GRIK2: variants seen among roughly 807,000 people sequenced by gnomAD.
GRIK2 encodes glutamate ionotropic receptor kainate type subunit 2, also known as glutamate receptor ionotropic, kainate 2.
Under a neutral mutation model 100.3 loss-of-function variants are expected in GRIK2, and 32 were observed. The observed-to-expected ratio is 0.32, with a 90% CI of 0.24 to 0.43. The LOEUF (loss-of-function observed/expected upper bound fraction) is 0.43. Among genes scored for constraint, GRIK2 ranks in the 20% least tolerant of loss-of-function variants. The pLI is 1.00. For missense variants in GRIK2, 843 were observed against 1,114.9 expected (o/e 0.76, Z 3.47); for synonymous variants, 417 against 389.4 (o/e 1.07, Z -0.83).
At chr6:101,780,537 C>A (rs1334215051) in intron 7 of GRIK2, among the ~76,000 whole-genome samples, 1 of 152,092 alleles carries the variant, frequency 6.6e-6, no homozygotes, top group Non-Finnish European at 1.5e-5. Flanking sequence ...CAGCACAGTT[C>A]TGTGGCACAG....
chr6:101,619,800 G>A (rs967596304), intron 2 of GRIK2, among the ~76,000 whole-genome samples: 13 of 152,014 alleles, frequency 8.6e-5, no homozygotes, highest in Non-Finnish European at 1.6e-4. Flanking sequence ...TATTTTGCCT[G>A]ACTGAAATTT....
intron 4 of GRIK2, among the ~76,000 whole-genome samples, chr6:101,628,658 A>G (rs1305124374): frequency 6.6e-6 from 1 of 152,056 alleles, no homozygotes; most frequent in Non-Finnish European, 1.5e-5. Context: ...AAACTATATA[A>G]ATATAGATAC....
At chr6:101,415,691 T>G (rs1411169404) in intron 2 of GRIK2, among the ~76,000 whole-genome samples, 2 of 152,128 alleles carry the variant, frequency 1.3e-5, no homozygotes, top group Non-Finnish European at 2.9e-5. Flanking sequence ...TAACAATTTT[T>G]AAGTGTCTGA....
chr6:101,980,564 A>G (rs987879552), intron 14 of GRIK2, among the ~76,000 whole-genome samples: 2 of 151,894 alleles, frequency 1.3e-5, no homozygotes, highest in African/African-American at 4.8e-5. Context: ...AGTCAGTAGT[A>G]TTTCCTATTT....
At chr6:101,599,775 T>G (rs1378687238) in intron 2 of GRIK2, among the ~76,000 whole-genome samples, 1 of 151,840 alleles carries the variant, frequency 6.6e-6, no homozygotes, top group African/African-American at 2.4e-5. Flanking sequence ...TTCAATTGTT[T>G]AGGCTTCTTA....
chr6:101,489,655 AG>A (rs1203016589), intron 2 of GRIK2, among the ~76,000 whole-genome samples: 1 of 145,984 alleles, frequency 6.9e-6, no homozygotes, highest in Non-Finnish European at 1.5e-5. Flanking sequence ...ATGACTATCC[AG>A]GTTTATCCAG....
At chr6:101,775,085 A>G (rs1778657890) in intron 7 of GRIK2, among the ~76,000 whole-genome samples, 2 of 152,162 alleles carry the variant, frequency 1.3e-5, no homozygotes, top group South Asian at 4.1e-4. Flanking sequence ...TTTTGAAAGA[A>G]TGAAAGCCCG....
At chr6:101,897,296 A>G (rs1787532872) in intron 12 of GRIK2, among the ~76,000 whole-genome samples, 2 of 151,708 alleles carry the variant, frequency 1.3e-5, no homozygotes, top group South Asian at 4.1e-4. Flanking sequence ...TTTAAGAACC[A>G]ACAGGATAAG....
rs117915199 is a variant in GRIK2, at chr6:101,729,043, G to A, written c.951+42690G>A. On this transcript the variant is annotated intron_variant, in intron 7 of 16. Transcript: ENST00000369134. ...TGTTTTGCACACTCTTCCAACCACA[G>A]AACACTAAAGATGTATATGTTATAA... is the stretch of plus-strand genomic sequence containing the variant. 1.4e-3 allele frequency among the ~76,000 whole-genome samples: 211 copies of A among 152,078 alleles called. 3 individuals carry two copies. In the East Asian group the frequency reaches 0.024, roughly 18 times the overall value.
At position 102,069,959 on chromosome 6, in the gene GRIK2, A is replaced by C. The variant is rs1432316523; in HGVS notation, c.*1448A>C. ...CATACTGTAATGAACAATTGTGTGT[A>C]AAATGGTAAAAGACACAGACCTCTT... On this transcript the variant is annotated 3_prime_UTR_variant, in exon 17 of 17. Transcript: ENST00000369134. 1 of 152,044 alleles carries C rather than the reference A, an allele frequency of 6.6e-6. No homozygotes were observed. The highest frequency in any genetic ancestry group is 1.5e-5 in the Non-Finnish European group (1 of 67,982). 9.4% of individuals were successfully genotyped at this position (152,044 alleles called of 1,614,324 possible).
At chr6:101,500,799 C>T (rs1430780356) in intron 2 of GRIK2, among the ~76,000 whole-genome samples, 1 of 152,008 alleles carries the variant, frequency 6.6e-6, no homozygotes, top group Non-Finnish European at 1.5e-5. Flanking sequence ...GATTCCAACT[C>T]AGCTCTATGA....
intron 2 of GRIK2, among the ~76,000 whole-genome samples, chr6:101,513,760 CTGT>C (rs775124419): frequency 5.3e-5 from 8 of 152,000 alleles, no homozygotes; most frequent in Non-Finnish European, 1.2e-4. Context: ...TAAAGTAGTG[CTGT>C]GAGAGAAATG....
At chr6:102,044,369 G>GTATT (rs1176381525) in intron 15 of GRIK2, among the ~76,000 whole-genome samples, 1 of 151,892 alleles carries the variant, frequency 6.6e-6, no homozygotes, top group Non-Finnish European at 1.5e-5. Context: ...TAAGATTCCT[G>GTATT]TATTAGTCTG....
intron 2 of GRIK2, among the ~76,000 whole-genome samples, chr6:101,559,379 G>C (rs2852578): frequency 0.8 from 121,225 of 152,000 alleles, 48,667 homozygotes; most frequent in African/African-American, 0.87. Context: ...AACAACCTAT[G>C]TTTCCAGTCC....
chr6:101,681,351 G>A lies in GRIK2; in HGVS notation c.724-1202G>A, dbSNP rs1001193449. On this transcript the variant is annotated intron_variant, in intron 5 of 16. Coordinates refer to ENST00000369134, the MANE Select transcript of GRIK2 (RefSeq NM_021956.5). Reference sequence around the variant, plus strand: ...GTGACCCTCTCAACCTCAGCTTCTCGAGTAGTTGGGACTAAAGGCATGTGC... The same window carrying A: ...GTGACCCTCTCAACCTCAGCTTCTCAAGTAGTTGGGACTAAAGGCATGTGC... Among the ~76,000 whole-genome samples the A allele has an allele frequency of 1.3e-4, 19 of 151,392 alleles. No homozygotes were observed. The South Asian group carries it at 2.5e-3, about 20-fold the overall frequency.
intron 4 of GRIK2, among the ~76,000 whole-genome samples, chr6:101,646,539 T>C (rs9485524): frequency 1.8e-4 from 27 of 152,056 alleles, no homozygotes; most frequent in African/African-American, 6.3e-4. Flanking sequence ...TAAGTACATA[T>C]ATTTTAGTTT....
intron 7 of GRIK2, among the ~76,000 whole-genome samples, chr6:101,779,737 C>T (rs1341322961): frequency 6.6e-6 from 1 of 152,030 alleles, no homozygotes; most frequent in Non-Finnish European, 1.5e-5. Context: ...TCAGAGGGAA[C>T]AGATATTCTC....
chr6:101,792,150 A>C (rs1349255527), intron 7 of GRIK2, among the ~76,000 whole-genome samples: 5 of 151,054 alleles, frequency 3.3e-5, no homozygotes, highest in African/African-American at 1.2e-4. Context: ...ATGGGTCTTG[A>C]CTCTTTATCC....
chr6:101,455,632 G>T (rs1562150255), intron 2 of GRIK2, among the ~76,000 whole-genome samples: 1 of 151,898 alleles, frequency 6.6e-6, no homozygotes, highest in Non-Finnish European at 1.5e-5. Flanking sequence ...TATAAATTGA[G>T]TGTCCAGTAA....
Sources: allele counts gnomAD v4.1 joint callset (sites outside exome capture counted in the v4.1 genomes callset), GRCh38; gene constraint gnomAD v4.1.1; transcripts MANE v1.5; gene names NCBI Gene and HGNC (gene_info 2026-07-23, HGNC 2026-07-21).